LRRC28: variants seen among roughly 807,000 people sequenced by gnomAD.
The protein encoded by LRRC28 is leucine-rich repeat-containing protein 28.
LRRC28 carries 39 observed loss-of-function variants against 45.7 expected under a neutral mutation model. The ratio of observed to expected loss-of-function variants is 0.85; its 90% CI spans 0.66 to 1.12. The LOEUF (loss-of-function observed/expected upper bound fraction) is 1.12, where lower values mean the gene tolerates loss of function less well. Ranked by LOEUF, LRRC28 falls within the 50% of genes most tolerant of loss-of-function variation. The pLI is 0.00. For synonymous variants in LRRC28, 206 were observed against 178.8 expected (o/e 1.15, Z -1.22); for missense variants, 435 against 438.5 (o/e 0.99, Z 0.07).
intron 5 of LRRC28, among the ~76,000 whole-genome samples, chr15:99,310,474 A>G (rs1196717821): frequency 6.6e-6 from 1 of 152,218 alleles, no homozygotes; most frequent in Non-Finnish European, 1.5e-5. Context: ...CTACTAGTTA[A>G]TCTTAACTTC....
chr15:99,281,498 A>G (rs1399602727), intron 3 of LRRC28, among the ~76,000 whole-genome samples: 1 of 151,660 alleles, frequency 6.6e-6, no homozygotes, highest in Non-Finnish European at 1.5e-5. Context: ...TTTTCATTTA[A>G]ATAGCTGAAT....
At chr15:99,287,164 A>G (rs1017064196) in intron 3 of LRRC28, 93 bp from the exon 4 acceptor site, 1 of 1,085,032 alleles carries the variant, frequency 9.2e-7, no homozygotes, top group Non-Finnish European at 1.3e-6. Flanking sequence ...GCCTATTTAT[A>G]TTTGATAAAT....
intron 9 of LRRC28, among the ~76,000 whole-genome samples, chr15:99,374,518 A>T (rs780855515): frequency 6.6e-6 from 1 of 152,196 alleles, no homozygotes; most frequent in African/African-American, 2.4e-5. Context: ...GATTTTCTGC[A>T]TAGAAAATCA....
chr15:99,262,193 T>C (rs1219670798), intron 2 of LRRC28, among the ~76,000 whole-genome samples: 12 of 152,196 alleles, frequency 7.9e-5, no homozygotes. Flanking sequence ...GGCCAATAGA[T>C]ATATGTACAT....
In LRRC28 at chr15:99,377,523, C is replaced by G. The variant is rs201106596; in HGVS notation, c.1032-8507C>G. ...TTCACTCTGATGGTAGTTTCTTTTG[C>G]TGTGCAGAAGCTCTTTAGTTTAAAT... is the stretch of plus-strand genomic sequence containing the variant. On this transcript the variant is annotated intron_variant, in intron 9 of 9. Transcript: ENST00000301981. 1.9e-3 allele frequency among the ~76,000 whole-genome samples: 282 copies of G among 152,302 alleles called. 2 individuals are homozygous for G. In the East Asian group the frequency reaches 0.041, roughly 22 times the overall value.
chr15:99,281,339 A>G (rs1468494791), intron 3 of LRRC28, among the ~76,000 whole-genome samples: 1 of 151,816 alleles, frequency 6.6e-6, no homozygotes, highest in African/African-American at 2.4e-5. Context: ...GTAACATCAA[A>G]CTCCTGGGCT....
chr15:99,315,577 A>AT (rs1271777891), intron 5 of LRRC28, among the ~76,000 whole-genome samples: 17 of 152,154 alleles, frequency 1.1e-4, no homozygotes, highest in Middle Eastern at 3.2e-3. Context: ...CTGTCCATAT[A>AT]TTTTGAACCA....
At chr15:99,307,351 A>G (rs1383202139) in intron 5 of LRRC28, among the ~76,000 whole-genome samples, 1 of 152,230 alleles carries the variant, frequency 6.6e-6, no homozygotes, top group Non-Finnish European at 1.5e-5. Context: ...AAGATTTCCC[A>G]TCCCATAAAT....
intron 3 of LRRC28, among the ~76,000 whole-genome samples, chr15:99,279,811 A>G (rs578213447): frequency 1.3e-5 from 2 of 152,084 alleles, no homozygotes; most frequent in African/African-American, 2.4e-5. Flanking sequence ...ACAGTTTCTC[A>G]TTGTTTTTAT....
chr15:99,387,967 C>T lies in LRRC28; in HGVS notation c.*1865C>T, dbSNP rs1370116047. 6.6e-6 allele frequency: 1 copy of T among 152,216 alleles called. No homozygotes were observed. Among genetic ancestry groups the T allele is most frequent in the Non-Finnish European group, 1.5e-5 (1 of 68,050 alleles). 9.4% of individuals were successfully genotyped at this position (152,216 alleles called of 1,614,324 possible). A position where few individuals can be genotyped will look rare whatever the true frequency, so the allele number is the denominator to read the frequency against. Reference sequence around the variant, plus strand: ...GTAGAATGGAGAAGGCAGAAAGTTACCGTGTGTTCCCACTGTATCTGCACT... The same window carrying T: ...GTAGAATGGAGAAGGCAGAAAGTTATCGTGTGTTCCCACTGTATCTGCACT... On this transcript the variant is annotated 3_prime_UTR_variant, in exon 10 of 10. Transcript: ENST00000301981.
chr15:99,378,952 T>C (rs909193749), intron 9 of LRRC28, among the ~76,000 whole-genome samples: 15 of 152,114 alleles, frequency 9.9e-5, no homozygotes, highest in Non-Finnish European at 2.1e-4. Context: ...CAGTATTTTA[T>C]TGAGGATTTT....
chr15:99,253,340 C>T (rs1041843819), intron 1 of LRRC28, among the ~76,000 whole-genome samples: 1 of 152,234 alleles, frequency 6.6e-6, no homozygotes. Context: ...AGGCTGGTCT[C>T]GAACTCCTCA....
At chr15:99,366,453 C>T (rs1957342667) in intron 9 of LRRC28, among the ~76,000 whole-genome samples, 1 of 152,190 alleles carries the variant, frequency 6.6e-6, no homozygotes, top group Non-Finnish European at 1.5e-5. Flanking sequence ...TTAGTCAGCA[C>T]AGGCTGCCAT....
chr15:99,307,740 C>G (rs1263200035), intron 5 of LRRC28, among the ~76,000 whole-genome samples: 1 of 152,198 alleles, frequency 6.6e-6, no homozygotes. Context: ...TTCCTGACTT[C>G]CAACACTCAT....
intron 3 of LRRC28, among the ~76,000 whole-genome samples, chr15:99,279,751 C>T (rs751408871): frequency 2.0e-5 from 3 of 152,150 alleles, no homozygotes; most frequent in Admixed American, 6.5e-5. Context: ...TTATGGTAAG[C>T]CTTAGGTTCA....
intron 1 of LRRC28, among the ~76,000 whole-genome samples, chr15:99,253,439 GT>G (rs1453708048): frequency 2.0e-5 from 3 of 152,152 alleles, no homozygotes; most frequent in Non-Finnish European, 4.4e-5. Context: ...TAATTTTTAT[GT>G]TGAAATCTGG....
chr15:99,335,139 G>T (rs1487605233), intron 6 of LRRC28, among the ~76,000 whole-genome samples: 7 of 152,102 alleles, frequency 4.6e-5, no homozygotes, highest in Non-Finnish European at 8.8e-5. Context: ...CTTCTTTCAA[G>T]TGAGAAAAAT....
intron 6 of LRRC28, among the ~76,000 whole-genome samples, chr15:99,349,648 C>A (rs1256764206): frequency 1.3e-5 from 2 of 152,070 alleles, no homozygotes; most frequent in African/African-American, 4.8e-5. Context: ...TGATAGCTGA[C>A]AAACTGAGAG....
At chr15:99,372,558 C>A (rs1332887931) in intron 9 of LRRC28, among the ~76,000 whole-genome samples, 1 of 151,856 alleles carries the variant, frequency 6.6e-6, no homozygotes, top group Non-Finnish European at 1.5e-5. Flanking sequence ...CAAGCAGATA[C>A]AATATGTTAT....
Sources: gnomAD v4.1 joint callset for allele counts (sites outside exome capture counted in the v4.1 genomes callset) on GRCh38, gnomAD v4.1.1 for gene constraint, MANE v1.5 for transcripts, NCBI Gene and HGNC (gene_info 2026-07-23, HGNC 2026-07-21) for gene names.